The following SEMA3E variants were observed in gnomAD, a reference collection of about 807,000 sequenced individuals.
SEMA3E encodes semaphorin 3E, also known as semaphorin-3E.
A neutral mutation model predicts 93.6 loss-of-function variants in SEMA3E; 49 were observed. The ratio of observed to expected loss-of-function variants is 0.52; its 90% CI spans 0.42 to 0.66. The LOEUF (loss-of-function observed/expected upper bound fraction) is 0.66. Ranked by LOEUF, SEMA3E falls within the 30% of genes least tolerant of loss-of-function variation. The pLI, the probability that SEMA3E is intolerant of heterozygous loss-of-function variation, is 0.00. For synonymous variants in SEMA3E, 363 were observed against 330.7 expected (o/e 1.10, Z -1.06); for missense variants, 906 against 964.8 (o/e 0.94, Z 0.81).
chr7:83,445,561 T>C (rs538658903), intron 4 of SEMA3E, among the ~76,000 whole-genome samples: 50 of 151,984 alleles, frequency 3.3e-4, no homozygotes, highest in African/African-American at 1.1e-3. Flanking sequence ...CTACTAATAA[T>C]ACAAAAATTA....
At chr7:83,461,465 T>C (rs1484460275) in intron 4 of SEMA3E, among the ~76,000 whole-genome samples, 1 of 152,196 alleles carries the variant, frequency 6.6e-6, no homozygotes, top group Non-Finnish European at 1.5e-5. Context: ...GTTCAGTGAC[T>C]ATCCCTCCCC....
intron 1 of SEMA3E, among the ~76,000 whole-genome samples, chr7:83,559,411 T>G (rs533026975): frequency 6.6e-6 from 1 of 152,102 alleles, no homozygotes; most frequent in African/African-American, 2.4e-5. Flanking sequence ...GGAGAAAAAA[T>G]AGTAGTGTCA....
intron 1 of SEMA3E, among the ~76,000 whole-genome samples, chr7:83,526,689 GT>G (rs1791166988): frequency 6.6e-6 from 1 of 152,150 alleles, no homozygotes; most frequent in Non-Finnish European, 1.5e-5. Context: ...CCAAGATTAA[GT>G]TGCTATTGTT....
intron 4 of SEMA3E, among the ~76,000 whole-genome samples, chr7:83,453,338 TATGTTAGTGTAA>T (rs1177501166): frequency 6.6e-6 from 1 of 151,874 alleles, no homozygotes; most frequent in Non-Finnish European, 1.5e-5. Context: ...GGGTAGCTAC[TATGTTAGTGTAA>T]ATAATTATCT....
chr7:83,432,250 T>C (rs1166089558), intron 4 of SEMA3E, among the ~76,000 whole-genome samples: 1 of 148,608 alleles, frequency 6.7e-6, no homozygotes, highest in East Asian at 1.9e-4. Flanking sequence ...TAAAAAATAG[T>C]TTTACACAAT....
chr7:83,583,784 C>A (rs933641983), intron 1 of SEMA3E, among the ~76,000 whole-genome samples: 1 of 152,132 alleles, frequency 6.6e-6, no homozygotes, highest in Admixed American at 6.6e-5. Context: ...TAAAAAGATA[C>A]ATTCAAGAAG....
chr7:83,477,142 A>C (rs1790030618), intron 2 of SEMA3E, among the ~76,000 whole-genome samples: 1 of 152,290 alleles, frequency 6.6e-6, no homozygotes, highest in Admixed American at 6.5e-5. Context: ...AATATGAAAT[A>C]ATTTTTTAAT....
chr7:83,378,348 C>T (rs565040616), intron 16 of SEMA3E, among the ~76,000 whole-genome samples: 1 of 151,964 alleles, frequency 6.6e-6, no homozygotes, highest in African/African-American at 2.4e-5. Context: ...CCCACATGTT[C>T]TTTATTTTGC....
rs775613329 is a variant in SEMA3E, at chr7:83,637,032, G to GTGTGTA, written c.115+11395_115+11396insTACACA. ...AAAAGCTATGTGTGAGAGTGTGTGT[G>GTGTGTA]TGTGTGTATGTGTGTGTGTGTGTGT... On this transcript the variant is annotated intron_variant, in intron 1 of 16. Coordinates refer to ENST00000643230, the MANE Select transcript of SEMA3E (RefSeq NM_012431.3). 3.1e-3 allele frequency among the ~76,000 whole-genome samples: 425 copies of GTGTGTA among 135,824 alleles called. 2 individuals are homozygous for GTGTGTA. Among genetic ancestry groups the GTGTGTA allele is most frequent in the Admixed American group, 5.8e-3 (81 of 13,934 alleles). The allele number at this position is 135,824 out of a possible 152,430, so 89.1% of individuals were successfully genotyped here. A position where few individuals can be genotyped will look rare whatever the true frequency, so the allele number is the denominator to read the frequency against.
At chr7:83,622,181 T>C (rs1005067518) in intron 1 of SEMA3E, among the ~76,000 whole-genome samples, 2 of 151,110 alleles carry the variant, frequency 1.3e-5, no homozygotes, top group African/African-American at 4.9e-5. Flanking sequence ...AGGACATGAA[T>C]AGACACTTCT....
intron 1 of SEMA3E, among the ~76,000 whole-genome samples, chr7:83,524,616 A>T (rs35314908): frequency 0.53 from 79,701 of 151,482 alleles, 23,259 homozygotes; most frequent in Middle Eastern, 0.69. Context: ...TTAAAAGCTT[A>T]TCCCTGAAAA....
intron 2 of SEMA3E, among the ~76,000 whole-genome samples, chr7:83,470,483 AC>A (rs1789868690): frequency 6.6e-6 from 1 of 151,918 alleles, no homozygotes; most frequent in Non-Finnish European, 1.5e-5. Flanking sequence ...TTATCAACTT[AC>A]GTGCAGAGGT....
At chr7:83,581,516 T>C (rs1167783831) in intron 1 of SEMA3E, among the ~76,000 whole-genome samples, 1 of 152,064 alleles carries the variant, frequency 6.6e-6, no homozygotes, top group Non-Finnish European at 1.5e-5. Flanking sequence ...TTTATTTAAC[T>C]GGTATATAGC....
intron 14 of SEMA3E, among the ~76,000 whole-genome samples, chr7:83,390,128 T>TGCACATATATGCGCGTATACGC (rs1787984057): frequency 1.5e-5 from 1 of 64,844 alleles, no homozygotes; most frequent in African/African-American, 5.9e-5. Context: ...CGCGTATACG[T>TGCACATATATGCGCGTATACGC]GTGCACATAT....
rs376016703 is a variant in SEMA3E, at chr7:83,551,424, C to G, written c.116-61150G>C. Among the ~76,000 whole-genome samples the G allele has an allele frequency of 7.9e-5, 12 of 152,008 alleles. 1 individual carries two copies. Among genetic ancestry groups the G allele is most frequent in the Admixed American group, 6.6e-5 (1 of 15,248 alleles). ...ATACTGCTATTATAAAGTACCAAAC[C>G]AAGCAAAATCAAACTATTTAAGAAC... On this transcript the variant is annotated intron_variant, in intron 1 of 16. Coordinates refer to ENST00000643230, the MANE Select transcript of SEMA3E (RefSeq NM_012431.3).
At chr7:83,562,478 T>TTATTTATC (rs1792050919) in intron 1 of SEMA3E, among the ~76,000 whole-genome samples, 1 of 149,404 alleles carries the variant, frequency 6.7e-6, no homozygotes, top group Admixed American at 6.7e-5. Context: ...ATTTATTTAT[T>TTATTTATC]TATTTATTTA....
intron 1 of SEMA3E, among the ~76,000 whole-genome samples, chr7:83,491,930 G>C (rs2115982808): frequency 6.6e-6 from 1 of 152,082 alleles, no homozygotes; most frequent in African/African-American, 2.4e-5. Context: ...AGCACAGGTT[G>C]GGATCCACTA....
intron 2 of SEMA3E, among the ~76,000 whole-genome samples, chr7:83,488,672 T>C (rs1170276519): frequency 6.6e-6 from 1 of 152,116 alleles, no homozygotes; most frequent in East Asian, 1.9e-4. Flanking sequence ...TTCCGCAACA[T>C]GGCAGACTAT....
At chr7:83,403,824 A>T (rs555911056) in intron 9 of SEMA3E, among the ~76,000 whole-genome samples, 131 of 152,072 alleles carry the variant, frequency 8.6e-4, no homozygotes, top group African/African-American at 3.1e-3. Flanking sequence ...TCTCCTAACT[A>T]AAGTGGTAGC....
Sources: allele counts gnomAD v4.1 joint callset (sites outside exome capture counted in the v4.1 genomes callset), GRCh38; gene constraint gnomAD v4.1.1; transcripts MANE v1.5; gene names NCBI Gene and HGNC (gene_info 2026-07-23, HGNC 2026-07-21).